Variants in ASAP3 observed in about 807,000 individuals in gnomAD.
ASAP3 encodes ArfGAP with SH3 domain, ankyrin repeat and PH domain 3.
A neutral mutation model predicts 118.2 loss-of-function variants in ASAP3; 85 were observed. The ratio of observed to expected loss-of-function variants is 0.72; its 90% CI spans 0.60 to 0.86. ASAP3 has a LOEUF of 0.86. Ranked by LOEUF, ASAP3 falls within the 40% of genes least tolerant of loss-of-function variation. The pLI, the probability that ASAP3 is intolerant of heterozygous loss-of-function variation, is 0.00. For missense variants in ASAP3, 1,026 were observed against 1,175.0 expected, an observed-to-expected ratio of 0.87 and a Z score of 1.85; for synonymous variants, 432 against 477.4, an observed-to-expected ratio of 0.90 and a Z score of 1.24.
chr1:23,456,284 C>A, intron 1 of ASAP3, 90 bp from the exon 2 acceptor site: 1 of 1,215,332 alleles, frequency 8.2e-7, no homozygotes, highest in South Asian at 1.3e-5. Context: ...TTCCACCCCC[C>A]AACCGCCCTC....
intron 1 of ASAP3, among the ~76,000 whole-genome samples, chr1:23,463,191 T>G (rs1037264800): frequency 6.6e-6 from 1 of 152,188 alleles, no homozygotes; most frequent in East Asian, 1.9e-4. Flanking sequence ...ACATGGCCCC[T>G]TCCTTCAAGA....
rs530061481 is a variant in ASAP3 at position 23,475,209 on chromosome 1, A to G, written c.129+8796T>C. On this transcript the variant is annotated intron_variant, in intron 1 of 24. Coordinates refer to ENST00000336689, the MANE Select transcript of ASAP3 (RefSeq NM_017707.4). ...ACTACAGACTTTGAATCAGGAGCAC[A>G]GTGGAAGATCCATTCCAATGCTGGT... 2.6e-5 allele frequency among the ~76,000 whole-genome samples: 4 copies of G among 152,326 alleles called. No individual in the cohort carries two copies. The East Asian group carries it at 5.8e-4, about 22-fold the overall frequency.
Position 23,456,283 on chromosome 1 carries a change from C to T in ASAP3, c.130-89G>A, listed in dbSNP as rs182715031. ...ACGCTGTATCTATGATTTCCACCCCCCAACCGCCCTCCAAACAAATACATT... is the reference window on the plus strand; with the variant it reads ...ACGCTGTATCTATGATTTCCACCCCTCAACCGCCCTCCAAACAAATACATT... On this transcript the variant is annotated intron_variant, in intron 1 of 24. Transcript: ENST00000336689. The T allele has an allele frequency of 4.1e-5, 50 of 1,234,422 alleles. No homozygotes were observed. The East Asian group carries it at 9.0e-4, about 22-fold the overall frequency. The allele number at this position is 1,234,422 out of a possible 1,614,324, so 76.5% of individuals were successfully genotyped here. A position where few individuals can be genotyped will look rare whatever the true frequency, so the allele number is the denominator to read the frequency against.
chr1:23,435,987 T>C lies in ASAP3; in HGVS notation c.1613A>G (p.His538Arg), dbSNP rs1371689742. ...AGGTGTGCACCGGCGTGCAAACCTA[T>C]GCTCCACATACTTGGCCATAATGTA... ...RDYIMAKYVE[H>R]RFARRCTPEP... is the part of the protein sequence containing the mutation. The change falls in exon 17 of 25, where the codon CAT becomes CGT. Residue 538 changes from histidine (H) to arginine (R), a missense_variant. His to Arg is a conservative substitution (Grantham distance 29). Transcript: ENST00000336689. 1 of 1,614,232 alleles carries C rather than the reference T, an allele frequency of 6.2e-7. No individual in the cohort carries two copies. Among genetic ancestry groups the C allele is most frequent in the East Asian group, 2.2e-5 (1 of 44,890 alleles).
chr1:23,450,709 T>C (rs577584170), intron 5 of ASAP3, among the ~76,000 whole-genome samples: 44 of 152,316 alleles, frequency 2.9e-4, no homozygotes, highest in African/African-American at 9.9e-4. Flanking sequence ...CTTCTCCATA[T>C]TTTCAAAATT....
intron 7 of ASAP3, 122 bp downstream of exon 7, chr1:23,442,064 A>G: frequency 9.5e-7 from 1 of 1,055,992 alleles, no homozygotes; most frequent in East Asian, 2.6e-5. Context: ...ATGAGGAACT[A>G]TGAAAGTTCT....
At chr1:23,449,065 G>C (rs975995160) in intron 5 of ASAP3, among the ~76,000 whole-genome samples, 1 of 150,194 alleles carries the variant, frequency 6.7e-6, no homozygotes, top group African/African-American at 2.4e-5. Flanking sequence ...GTCTCTCTCA[G>C]AACAGGGACC....
intron 10 of ASAP3, among the ~76,000 whole-genome samples, chr1:23,440,804 C>A (rs538917305): frequency 6.8e-6 from 1 of 146,328 alleles, no homozygotes; most frequent in East Asian, 2.0e-4. Context: ...TACAGTGAGC[C>A]GAGATCATGG....
rs371646298 is a variant in ASAP3, at chr1:23,431,147, A to G, written c.2547-22T>C. The G allele has an allele frequency of 4.3e-5, 68 of 1,566,292 alleles. No homozygotes were observed. The African/African-American group carries it at 7.8e-4, about 18-fold the overall frequency. ...GGAGCTGGAAGGCAGGGAAAGGCCA[A>G]CATGACCCTCATGTCCAGAGAGCCC... On this transcript the variant is annotated intron_variant, in intron 23 of 24. Transcript: ENST00000336689.
intron 5 of ASAP3, among the ~76,000 whole-genome samples, chr1:23,444,172 C>G (rs1027817598): frequency 3.9e-5 from 6 of 152,212 alleles, no homozygotes; most frequent in Admixed American, 1.3e-4. Flanking sequence ...CCCCACCGTG[C>G]TCTTCTCTTT....
intron 1 of ASAP3, among the ~76,000 whole-genome samples, chr1:23,475,930 G>A (rs2148662212): frequency 6.6e-6 from 1 of 152,058 alleles, no homozygotes; most frequent in African/African-American, 2.4e-5. Context: ...TCCAGCCTGG[G>A]CAAAAGAAGG....
In ASAP3 at chr1:23,437,412, G is replaced by T; in HGVS notation, c.1151+12C>A. ...CCACAAGGCTGGCCGGGCTGGCCGA[G>T]GGGGCACTCACGCCTCACACTCGTG... On this transcript the variant is annotated intron_variant, in intron 13 of 24. Transcript: ENST00000336689. The surrounding 1 kb of genome is among the most constrained non-coding windows in gnomAD (Gnocchi z 6.1). 2 of 1,613,780 alleles carry T rather than the reference G, an allele frequency of 1.2e-6. No individual in the cohort carries two copies. Among genetic ancestry groups the T allele is most frequent in the Non-Finnish European group, 1.7e-6 (2 of 1,179,826 alleles).
chr1:23,473,581 G>T (rs1359677400), intron 1 of ASAP3, among the ~76,000 whole-genome samples: 1 of 152,208 alleles, frequency 6.6e-6, no homozygotes, highest in African/African-American at 2.4e-5. Flanking sequence ...GGGAAAGCAT[G>T]TTCCTTCTGC....
At chr1:23,484,202 C>T, upstream of ASAP3, 1 of 1,209,182 alleles carries the variant, frequency 8.3e-7, no homozygotes, top group African/African-American at 1.6e-5. Context: ...GCTGAGCCGG[C>T]CTCACCGCCG....
intron 1 of ASAP3, among the ~76,000 whole-genome samples, chr1:23,473,600 A>G (rs1315339407): frequency 6.6e-6 from 1 of 152,186 alleles, no homozygotes; most frequent in African/African-American, 2.4e-5. Context: ...GCTCTGACCT[A>G]AAGTTACAGT....
At chr1:23,456,094 A>T in intron 2 of ASAP3, 28 bp downstream of exon 2, 1 of 1,614,068 alleles carries the variant, frequency 6.2e-7, no homozygotes. Flanking sequence ...CTTCCTGACC[A>T]GGCGGGGCAC....
chr1:23,436,579 G>T lies in ASAP3; in HGVS notation c.1552C>A (p.Pro518Thr). The change falls in exon 16 of 25, where the codon CCC (proline) becomes ACC (threonine). Residue 518 changes from proline to threonine, a missense_variant. Pro to Thr is a conservative substitution (Grantham distance 38, BLOSUM62 -1). Transcript: ENST00000336689. This position sits in a 1 kb window ranked among gnomAD's most constrained non-coding sequence, Gnocchi z 4.2. ...CCTTACATGTCACTCTCAGCTGAGG[G>T]TTTAGGGCCGCCGTGTGAGGGTAGC... is the stretch of plus-strand genomic sequence containing the variant. ...AQLPSHGGPK[P>T]SAESDMGTRR... The T allele has an allele frequency of 1.2e-6, 2 of 1,614,226 alleles. No individual in the cohort carries two copies. Among genetic ancestry groups the T allele is most frequent in the Non-Finnish European group, 1.7e-6 (2 of 1,180,038 alleles).
intron 1 of ASAP3, among the ~76,000 whole-genome samples, chr1:23,483,711 G>A (rs939276691): frequency 4.6e-5 from 7 of 152,228 alleles, no homozygotes; most frequent in Admixed American, 2.6e-4. Context: ...GAAGGCGCTA[G>A]GCAAACACAT....
chr1:23,435,450 C>T lies in ASAP3; in HGVS notation c.1749+401G>A, dbSNP rs575132210. On this transcript the variant is annotated intron_variant, in intron 17 of 24. Coordinates refer to ENST00000336689, the MANE Select transcript of ASAP3 (RefSeq NM_017707.4). The stretch of plus-strand genomic sequence containing the variant: ...CTTGGAATAGCCAAAGCAATGTGGC[C>T]TTCCTGGCTCTAAACTGACATGCCC... Among the ~76,000 whole-genome samples the T allele has an allele frequency of 2.0e-5, 3 of 152,364 alleles. No homozygotes were observed. In the East Asian group the frequency reaches 5.8e-4, roughly 29 times the overall value.
Sources: allele counts gnomAD v4.1 joint callset (sites outside exome capture counted in the v4.1 genomes callset), GRCh38; gene constraint gnomAD v4.1.1; non-coding constraint Gnocchi (gnomAD v3.1); transcripts MANE v1.5; gene names NCBI Gene and HGNC (gene_info 2026-07-23, HGNC 2026-07-21).